DOCK10: variants seen among roughly 807,000 people sequenced by gnomAD.
The protein encoded by DOCK10 is dedicator of cytokinesis 10.
In DOCK10, 145 loss-of-function variants were observed where a neutral mutation model predicts 280.1. The observed-to-expected ratio is 0.52, with a 90% confidence interval of 0.45 to 0.59. The LOEUF (loss-of-function observed/expected upper bound fraction) is 0.59, where lower values mean the gene tolerates loss of function less well. Among genes scored for constraint, DOCK10 ranks in the 20% least tolerant of loss-of-function variants. The pLI, the probability that DOCK10 is intolerant of heterozygous loss-of-function variation, is 0.00. For missense variants in DOCK10, 2,368 were observed against 2,651.7 expected (o/e 0.89, Z 2.35); for synonymous variants, 915 against 942.2 (o/e 0.97, Z 0.53).
chr2:224,991,278 G>A (rs1279411853), intron 1 of DOCK10, among the ~76,000 whole-genome samples: 1 of 152,146 alleles, frequency 6.6e-6, no homozygotes, highest in African/African-American at 2.4e-5. Context: ...TTTTGGAATT[G>A]AAGAGACCCA....
chr2:224,914,743 C>T (rs944662174), intron 3 of DOCK10, among the ~76,000 whole-genome samples: 7 of 151,884 alleles, frequency 4.6e-5, no homozygotes, highest in Admixed American at 2.0e-4. Context: ...CTGGTATTAG[C>T]ATTATTATTC....
intron 1 of DOCK10, among the ~76,000 whole-genome samples, chr2:225,003,910 C>A (rs1029579322): frequency 2.6e-5 from 4 of 152,158 alleles, no homozygotes; most frequent in Non-Finnish European, 5.9e-5. Flanking sequence ...ATAGAGCTCA[C>A]TGTTATGTTA....
rs1054565023 is a variant in DOCK10 at position 224,847,954 on chromosome 2, C to A, written c.2235+1553G>T. Reference sequence around the variant, plus strand: ...AGGACCATGAAATGGGGAGATTATCCTGGATTTTCCAAATGAGCACAGTGT... The same window carrying A: ...AGGACCATGAAATGGGGAGATTATCATGGATTTTCCAAATGAGCACAGTGT... On this transcript the variant is annotated intron_variant, in intron 19 of 55. Transcript: ENST00000258390. Among the ~76,000 whole-genome samples, 47 of 152,150 alleles carry A rather than the reference C, an allele frequency of 3.1e-4. 1 individual carries two copies. Among genetic ancestry groups the A allele is most frequent in the Admixed American group, 3.0e-3 (46 of 15,266 alleles).
chr2:224,839,159 A>T (rs1695785478), intron 24 of DOCK10, among the ~76,000 whole-genome samples: 2 of 151,950 alleles, frequency 1.3e-5, no homozygotes, highest in South Asian at 4.1e-4. Context: ...GCTCACTGCA[A>T]GCTCCGCCTC....
intron 1 of DOCK10, among the ~76,000 whole-genome samples, chr2:224,945,333 T>C (rs1307137658): frequency 6.6e-6 from 1 of 152,084 alleles, no homozygotes; most frequent in Non-Finnish European, 1.5e-5. Context: ...GGGGAGGAAG[T>C]GGTTAGGTCC....
rs553444395 is a variant in DOCK10, at chr2:224,786,173, C to T, written c.5655+849G>A. Among the ~76,000 whole-genome samples, 13 of 152,290 alleles carry T rather than the reference C, an allele frequency of 8.5e-5. No individual in the cohort carries two copies. The highest frequency in any genetic ancestry group is 2.2e-4 in the African/African-American group (9 of 41,574). ...GCCGAGATCACGCCACTGCACTGCA[C>T]TCCAGCCTGGGCTACTGAGCGAGAT... On this transcript the variant is annotated intron_variant, in intron 50 of 55. Coordinates refer to ENST00000258390, the MANE Select transcript of DOCK10 (RefSeq NM_014689.3). The surrounding 1 kb of genome is among the most constrained non-coding windows in gnomAD (Gnocchi z 4.7).
chr2:224,955,584 C>T (rs1329309663), intron 1 of DOCK10, among the ~76,000 whole-genome samples: 1 of 152,240 alleles, frequency 6.6e-6, no homozygotes, highest in African/African-American at 2.4e-5. Context: ...TTAAGGCCTC[C>T]ACCAGGAGAT....
intron 53 of DOCK10, among the ~76,000 whole-genome samples, chr2:224,772,741 G>C (rs1294388806): frequency 1.3e-5 from 2 of 152,208 alleles, no homozygotes; most frequent in African/African-American, 4.8e-5. Flanking sequence ...CTGCCAGACA[G>C]ATAAACATGC....
intron 1 of DOCK10, among the ~76,000 whole-genome samples, chr2:224,971,934 A>T (rs566582063): frequency 1.3e-5 from 2 of 152,334 alleles, no homozygotes; most frequent in East Asian, 3.9e-4. Flanking sequence ...TTGGATATAT[A>T]GGTTTAAAGA....
rs1415066314 is a variant in DOCK10 at position 224,765,914 on chromosome 2, G to A, written c.6445-77C>T. 6 of 1,079,982 alleles carry A rather than the reference G, an allele frequency of 5.6e-6. No individual in the cohort carries two copies. In the East Asian group the frequency reaches 1.6e-4, roughly 30 times the overall value. 66.9% of individuals were successfully genotyped at this position (1,079,982 alleles called of 1,614,324 possible). A position where few individuals can be genotyped will look rare whatever the true frequency, so the allele number is the denominator to read the frequency against. On this transcript the variant is annotated intron_variant, in intron 55 of 55. Transcript: ENST00000258390. ...ATCCCAAACACAAAATTAAAACCCAGAATAGAGGTTTTCATTCCCCACAGG... is the reference window on the plus strand; with the variant it reads ...ATCCCAAACACAAAATTAAAACCCAAAATAGAGGTTTTCATTCCCCACAGG...
chr2:225,023,499 A>G (rs1689837866), intron 1 of DOCK10, among the ~76,000 whole-genome samples: 1 of 152,228 alleles, frequency 6.6e-6, no homozygotes, highest in African/African-American at 2.4e-5. Flanking sequence ...GCAAATTTGA[A>G]AAGTGATTTA....
intron 4 of DOCK10, among the ~76,000 whole-genome samples, chr2:224,892,209 C>T (rs925931413): frequency 6.6e-6 from 1 of 151,430 alleles, no homozygotes; most frequent in African/African-American, 2.4e-5. Flanking sequence ...CCAGCCTGGC[C>T]AACATAGTGA....
At position 224,823,628 on chromosome 2, in the gene DOCK10, A is replaced by T; in HGVS notation, c.3056T>A (p.Phe1019Tyr). 1.2e-6 allele frequency: 2 copies of T among 1,600,970 alleles called. No homozygotes were observed. The highest frequency in any genetic ancestry group is 1.7e-6 in the Non-Finnish European group (2 of 1,175,782). ...CAATTCATTTTGGTAAGATTCAGGA[A>T]ATCTCTGAGGCCGGGGAAGCTAAGG... ...NKIQLPRPQR[F>Y]PESYQNELDN... is the part of the protein sequence containing the mutation. Residue 1019 changes from phenylalanine (F) to tyrosine (Y), a missense_variant, in exon 28 of 56, where the codon TTT becomes TAT. This residue lies in a region of DOCK10 where 1,209 missense variants were observed against 1,250.9 expected (regional missense o/e 0.97). Coordinates refer to ENST00000258390, the MANE Select transcript of DOCK10 (RefSeq NM_014689.3).
chr2:224,868,489 G>A (rs914343248), intron 11 of DOCK10, among the ~76,000 whole-genome samples: 1 of 151,990 alleles, frequency 6.6e-6, no homozygotes, highest in Non-Finnish European at 1.5e-5. Context: ...AGTATTCTAG[G>A]GGCAAACAGA....
intron 1 of DOCK10, among the ~76,000 whole-genome samples, chr2:224,977,043 T>G (rs1400379495): frequency 6.6e-6 from 1 of 152,180 alleles, no homozygotes; most frequent in Non-Finnish European, 1.5e-5. Flanking sequence ...TCAGAAATGT[T>G]TGCCATATAA....
At chr2:224,811,616 C>T (rs1236199494) in intron 31 of DOCK10, among the ~76,000 whole-genome samples, 4 of 151,046 alleles carry the variant, frequency 2.6e-5, no homozygotes, top group African/African-American at 9.7e-5. Flanking sequence ...TTTATGGTTT[C>T]AGGTCTAACA....
chr2:224,818,410 T>A (rs1004772307), intron 29 of DOCK10, among the ~76,000 whole-genome samples: 6 of 150,932 alleles, frequency 4.0e-5, no homozygotes, highest in Admixed American at 6.6e-5. Context: ...TTTTTTTTTT[T>A]TTTTTTGAGA....
chr2:225,006,048 AT>A (rs1004084969), intron 1 of DOCK10, among the ~76,000 whole-genome samples: 1 of 152,136 alleles, frequency 6.6e-6, no homozygotes, highest in Non-Finnish European at 1.5e-5. Context: ...GGGTATTAAT[AT>A]TTTTTGGAGG....
intron 1 of DOCK10, among the ~76,000 whole-genome samples, chr2:224,979,610 C>T (rs181207328): frequency 2.0e-5 from 3 of 152,370 alleles, no homozygotes; most frequent in Admixed American, 2.0e-4. Context: ...CACATTAGGG[C>T]CTTTCGCCTT....
Sources: gnomAD v4.1 joint callset for allele counts (sites outside exome capture counted in the v4.1 genomes callset) on GRCh38, gnomAD v4.1.1 for gene constraint, gnomAD v4.1.1 regional missense constraint, Gnocchi (gnomAD v3.1) non-coding constraint, MANE v1.5 for transcripts, NCBI Gene and HGNC (gene_info 2026-07-23, HGNC 2026-07-21) for gene names.